The following CABP4 variants were observed in gnomAD, a reference collection of about 807,000 sequenced individuals.
CABP4 encodes calcium binding protein 4, also known as calcium-binding protein 4.
Under a neutral mutation model 30.7 loss-of-function variants are expected in CABP4, and 30 were observed. The observed-to-expected ratio is 0.98, with a 90% CI of 0.73 to 1.33. CABP4 has a LOEUF of 1.33. CABP4 is among the 40% of genes most tolerant of loss of function. The pLI, the probability that CABP4 is intolerant of heterozygous loss-of-function variation, is 0.00. For synonymous variants in CABP4, 161 were observed against 159.2 expected, an observed-to-expected ratio of 1.01 and a Z score of -0.08; for missense variants, 424 against 395.5, an observed-to-expected ratio of 1.07 and a Z score of -0.61.
chr11:67,458,289 T>C, intron 4 of CABP4, 82 bp from the exon 5 acceptor site: 1 of 1,095,566 alleles, frequency 9.1e-7, no homozygotes. Flanking sequence ...TAAAATAAAA[T>C]AAAATAAAAA....
At chr11:67,456,057 G>C in intron 1 of CABP4, 131 bp from the exon 2 acceptor site, 1 of 1,555,360 alleles carries the variant, frequency 6.4e-7, no homozygotes, top group Non-Finnish European at 8.8e-7. Context: ...TGGGTCCCAC[G>C]AGGCTTCAGG....
Position 67,456,396 on chromosome 11 carries a change from C to A in CABP4, c.495C>A (p.Pro165=), listed in dbSNP as rs1188840210. The part of the protein sequence containing the change: ...GDCMRTLGYM[P]TEMELLEVSQ... ...GCATGCGGACCCTGGGCTACATGCC[C>A]ACCGAGATGGAGCTCCTGGAGGTCT... is the stretch of plus-strand genomic sequence containing the variant. Residue 165 remains proline, a synonymous_variant, in exon 3 of 6, where the codon CCC becomes CCA. Transcript: ENST00000325656. 1 of 1,613,066 alleles carries A rather than the reference C, an allele frequency of 6.2e-7. No individual in the cohort carries two copies. Among genetic ancestry groups the A allele is most frequent in the Admixed American group, 1.7e-5 (1 of 60,030 alleles).
At chr11:67,453,030 T>TG, upstream of CABP4, 1 of 288,908 alleles carries the variant, frequency 3.5e-6, no homozygotes. Context: ...TTTTTTTTTT[T>TG]GAGAGACAGG....
chr11:67,456,087 G>C, intron 1 of CABP4, 101 bp from the exon 2 acceptor site: 2 of 1,607,670 alleles, frequency 1.2e-6, no homozygotes, highest in Non-Finnish European at 1.7e-6. Context: ...CTACTCTGAT[G>C]GGGCTGGGCC....
intron 1 of CABP4, 46 bp downstream of exon 1, chr11:67,455,835 G>A: frequency 6.5e-7 from 1 of 1,543,722 alleles, no homozygotes; most frequent in Non-Finnish European, 8.7e-7. Context: ...GGGTGGGGCT[G>A]GAGACACACC....
chr11:67,458,327 A>G (rs914210094), intron 4 of CABP4, 44 bp from the exon 5 acceptor site: 2 of 1,552,570 alleles, frequency 1.3e-6, no homozygotes, highest in African/African-American at 2.7e-5. Context: ...GCTGAGGCTG[A>G]GGCAGCTTTG....
rs760401379 is a variant in CABP4 at position 67,456,385 on chromosome 11, G to A, written c.484G>A (p.Gly162Ser). The part of the protein sequence containing the change: ...RELGDCMRTL[G>S]YMPTEMELLE... ...GCTGGGTGACTGCATGCGGACCCTG[G>A]GCTACATGCCCACCGAGATGGAGCT... The change falls in exon 3 of 6, where the codon GGC (glycine) becomes AGC (serine). Residue 162 changes from glycine (G) to serine (S), a missense_variant. Gly to Ser is a moderately conservative substitution (Grantham distance 56, BLOSUM62 0). Coordinates refer to ENST00000325656, the MANE Select transcript of CABP4 (RefSeq NM_145200.5). 1 of 1,613,220 alleles carries A rather than the reference G, an allele frequency of 6.2e-7. No homozygotes were observed. Among genetic ancestry groups the A allele is most frequent in the Non-Finnish European group, 8.5e-7 (1 of 1,179,934 alleles).
At chr11:67,452,921 A>G (rs1590995025), upstream of CABP4, 1 of 536,718 alleles carries the variant, frequency 1.9e-6, no homozygotes, top group East Asian at 2.9e-5. Flanking sequence ...GAGTCCTCAT[A>G]CAATCTACTT....
intron 1 of CABP4, 139 bp downstream of exon 1, chr11:67,455,928 C>T: frequency 7.5e-7 from 1 of 1,328,462 alleles, no homozygotes; most frequent in Non-Finnish European, 1.0e-6. Context: ...GGCAGGGTTG[C>T]TGCGGTTTGG....
rs1294565226 is a variant in CABP4, at chr11:67,461,289, C to T, written c.*2630C>T. ...GGTGACAGAGCAAGAGACCCTGTCTCAAAGAAAAAGACAGATAAGTCCTTG... is the reference window on the plus strand; with the variant it reads ...GGTGACAGAGCAAGAGACCCTGTCTTAAAGAAAAAGACAGATAAGTCCTTG... On this transcript the variant is annotated 3_prime_UTR_variant, in exon 6 of 6. Transcript: ENST00000325656. Among the ~76,000 whole-genome samples, 1 of 151,946 alleles carries T rather than the reference C, an allele frequency of 6.6e-6. No homozygotes were observed. Among genetic ancestry groups the T allele is most frequent in the Non-Finnish European group, 1.5e-5 (1 of 68,010 alleles).
rs554115320 is a variant in CABP4 at position 67,458,534 on chromosome 11, G to A, written c.799+16G>A. On this transcript the variant is annotated intron_variant, in intron 5 of 5. Coordinates refer to ENST00000325656, the MANE Select transcript of CABP4 (RefSeq NM_145200.5). Reference sequence around the variant, plus strand: ...GACTTTGACGGTGAGTCTCCTTCCCGGAAAACCCTCCCGTGCTTCCAGGGC... The same window carrying A: ...GACTTTGACGGTGAGTCTCCTTCCCAGAAAACCCTCCCGTGCTTCCAGGGC... The A allele has an allele frequency of 1.3e-5, 21 of 1,614,054 alleles. 1 individual carries two copies. In the South Asian group the frequency reaches 1.4e-4, roughly 11 times the overall value.
At chr11:67,452,545 A>T (rs374934185), upstream of CABP4, 66 of 1,606,728 alleles carry the variant, frequency 4.1e-5, no homozygotes, top group Non-Finnish European at 4.8e-5. Context: ...TGCCAGCTCC[A>T]TGCCGGGCCT....
At chr11:67,455,962 G>C in intron 1 of CABP4, 173 bp downstream of exon 1, 1 of 1,147,446 alleles carries the variant, frequency 8.7e-7, no homozygotes, top group Non-Finnish European at 1.2e-6. Context: ...TCGGGCCAGC[G>C]TGGGCGGTGG....
chr11:67,452,781 G>T, upstream of CABP4: 2 of 1,366,820 alleles, frequency 1.5e-6, no homozygotes, highest in Non-Finnish European at 1.0e-6. Flanking sequence ...ATCAATGATG[G>T]TGTGAATGAC....
rs529589052 is a variant in CABP4 at position 67,458,690 on chromosome 11, C to T, written c.*31C>T. On this transcript the variant is annotated 3_prime_UTR_variant, in exon 6 of 6. Transcript: ENST00000325656. ...CAGGAGGGAATATCTGTTGCCCCTG[C>T]GGCCCCAGACACCAGCCAGACCCAG... is the stretch of plus-strand genomic sequence containing the variant. 16 of 1,613,006 alleles carry T rather than the reference C, an allele frequency of 9.9e-6. No homozygotes were observed. The highest frequency in any genetic ancestry group is 4.0e-5 in the African/African-American group (3 of 74,910).
In CABP4 at chr11:67,458,739, TC is replaced by T; in HGVS notation, c.*82del. 6.4e-7 allele frequency: 1 copy of T among 1,567,888 alleles called. No individual in the cohort carries two copies. The highest frequency in any genetic ancestry group is 8.7e-7 in the Non-Finnish European group (1 of 1,143,718). On this transcript the variant is annotated 3_prime_UTR_variant, in exon 6 of 6. Coordinates refer to ENST00000325656, the MANE Select transcript of CABP4 (RefSeq NM_145200.5). ...AGGCTGCAGGCCTCCCCCAGGAGCC[TC>T]CAGGATGGAGATGGAGACCCAGCAG...
At chr11:67,453,361 C>T (rs1864635652), upstream of CABP4, 1 of 152,196 alleles carries the variant, frequency 6.6e-6, no homozygotes, top group African/African-American at 2.4e-5. Context: ...GGCTTTCAAA[C>T]ATTGTTAAAG....
rs1413639769 is a variant in CABP4, at chr11:67,457,575, G to A, written c.544G>A (p.Gly182Ser). The A allele has an allele frequency of 8.2e-6, 13 of 1,581,382 alleles. No individual in the cohort carries two copies. Among genetic ancestry groups the A allele is most frequent in the Admixed American group, 7.3e-5 (4 of 54,568 alleles). Residue 182 changes from glycine to serine, a missense_variant and splice_region_variant, in exon 4 of 6, where the codon GGC (glycine) becomes AGC (serine). Transcript: ENST00000325656. ...TGACACTCTTCCTGGGTCTGCAGTG[G>A]GCGGCCGTGTGGACTTTGAGGAGTT... is the stretch of plus-strand genomic sequence containing the variant. ...EVSQHIKMRM[G>S]GRVDFEEFVE...
At position 67,458,684 on chromosome 11, in the gene CABP4, C is replaced by A. The variant is rs887134726; in HGVS notation, c.*25C>A. The A allele has an allele frequency of 1.2e-6, 2 of 1,613,394 alleles. No homozygotes were observed. The highest frequency in any genetic ancestry group is 3.3e-5 in the Admixed American group (2 of 60,000). On this transcript the variant is annotated 3_prime_UTR_variant, in exon 6 of 6. Coordinates refer to ENST00000325656, the MANE Select transcript of CABP4 (RefSeq NM_145200.5). ...AGGCTCCAGGAGGGAATATCTGTTG[C>A]CCCTGCGGCCCCAGACACCAGCCAG...
Sources: allele counts gnomAD v4.1 joint callset (sites outside exome capture counted in the v4.1 genomes callset), GRCh38; gene constraint gnomAD v4.1.1; transcripts MANE v1.5; gene names NCBI Gene and HGNC (gene_info 2026-07-23, HGNC 2026-07-21).